Variants in TPH2 observed in about 807,000 individuals in gnomAD.
The protein encoded by TPH2 is tryptophan 5-hydroxylase 2.
TPH2 carries 27 observed loss-of-function variants against 59.1 expected under a neutral mutation model. The observed-to-expected ratio is 0.46, with a 90% confidence interval of 0.34 to 0.63. The LOEUF is 0.63. Among genes scored for constraint, TPH2 ranks in the 30% least tolerant of loss-of-function variants. The probability of loss-of-function intolerance (pLI) is 0.01; values close to 1 mark genes in which losing one functional copy is unlikely to be tolerated. For missense variants in TPH2, 523 were observed against 588.3 expected (o/e 0.89, Z 1.15); for synonymous variants, 220 against 210.5 (o/e 1.05, Z -0.39).
At chr12:72,026,988 A>C (rs985357717) in intron 9 of TPH2, among the ~76,000 whole-genome samples, 1 of 151,998 alleles carries the variant, frequency 6.6e-6, no homozygotes, top group African/African-American at 2.4e-5. Flanking sequence ...ATGTGAGTGT[A>C]AAGTGTTTGC....
At chr12:72,010,510 AAACTT>A (rs1159090777) in intron 8 of TPH2, among the ~76,000 whole-genome samples, 7 of 152,156 alleles carry the variant, frequency 4.6e-5, no homozygotes, top group Non-Finnish European at 8.8e-5. Flanking sequence ...TCATTAATAA[AAACTT>A]AAAATAGAAG....
At position 71,949,655 on chromosome 12, in the gene TPH2, A is replaced by G; in HGVS notation, c.608A>G (p.Tyr203Cys). The G allele has an allele frequency of 6.2e-7, 1 of 1,611,162 alleles. No homozygotes were observed. The highest frequency in any genetic ancestry group is 8.5e-7 in the Non-Finnish European group (1 of 1,177,460). The part of the protein sequence containing the change: ...YFVDVAMGYK[Y>C]GQPIPRVEYT... ...GTGGATGTGGCCATGGGTTATAAAT[A>G]GTAAGTACCTGTATAACTCTTTCTT... Residue 203 changes from tyrosine (Y) to cysteine (C), a missense_variant and splice_region_variant, in exon 5 of 11, where the codon TAT becomes TGT. By Grantham distance (194) the Tyr-to-Cys change is radical. Transcript: ENST00000333850.
Position 71,941,727 on chromosome 12 carries a change from C to T in TPH2, c.249C>T (p.Leu83=). 6.2e-7 allele frequency: 1 copy of T among 1,613,936 alleles called. No individual in the cohort carries two copies. Among genetic ancestry groups the T allele is most frequent in the Non-Finnish European group, 8.5e-7 (1 of 1,179,838 alleles). The change falls in exon 2 of 11, where the codon CTC becomes CTT. Residue 83 remains leucine, a synonymous_variant. Transcript: ENST00000333850. ...EVGGLVKALR[L]FQEKRVNMVH... is the part of the protein sequence containing the mutation. Reference sequence around the variant, plus strand: ...GTGGATTGGTAAAAGCACTGAGGCTCTTTCAGGTGAATGTGAAATATCATT... The same window carrying T: ...GTGGATTGGTAAAAGCACTGAGGCTTTTTCAGGTGAATGTGAAATATCATT...
chr12:71,956,806 C>T (rs1472959128), intron 5 of TPH2, among the ~76,000 whole-genome samples: 2 of 152,014 alleles, frequency 1.3e-5, no homozygotes, highest in African/African-American at 4.8e-5. Flanking sequence ...GATGGGGTTT[C>T]CCCGTGTTGC....
intron 5 of TPH2, among the ~76,000 whole-genome samples, chr12:71,966,244 C>G (rs2931545): frequency 1.3e-5 from 2 of 148,712 alleles, no homozygotes; most frequent in Admixed American, 6.7e-5. Flanking sequence ...AAGGCCCTGT[C>G]TAAATCTTTT....
At chr12:71,998,152 C>T (rs555621156) in intron 8 of TPH2, among the ~76,000 whole-genome samples, 7 of 152,188 alleles carry the variant, frequency 4.6e-5, no homozygotes, top group Non-Finnish European at 1.0e-4. Context: ...TGGGTGTTTG[C>T]CTCACCATGG....
Position 72,013,982 on chromosome 12 carries a change from T to C in TPH2, c.1069-8417T>C, listed in dbSNP as rs115120662. Among the ~76,000 whole-genome samples, 1,395 of 152,264 alleles carry C rather than the reference T, an allele frequency of 9.2e-3. 26 individuals are homozygous for C. Among genetic ancestry groups the C allele is most frequent in the African/African-American group, 0.032 (1,324 of 41,540 alleles). On this transcript the variant is annotated intron_variant, in intron 8 of 10. Transcript: ENST00000333850. ...GAAACCCAGTGAATGGTGGGTTTCG[T>C]TGAGAGGCTCGAAGAGAGTATATGG...
chr12:71,939,030 G>A lies in TPH2; in HGVS notation c.44G>A (p.Arg15Gln). The change falls in exon 1 of 11, where the codon CGG (arginine) becomes CAG (glutamine). Residue 15 changes from arginine (R) to glutamine (Q), a missense_variant. Coordinates refer to ENST00000333850, the MANE Select transcript of TPH2 (RefSeq NM_173353.4). ...MMMFSSKYWA[R>Q]RGFSLDSAVP... The stretch of plus-strand genomic sequence containing the variant: ...ATGTTTTCCAGTAAATACTGGGCAC[G>A]GAGAGGGTTTTCCCTGGATTCAGCA... The A allele has an allele frequency of 6.2e-7, 1 of 1,614,132 alleles. No individual in the cohort carries two copies. The highest frequency in any genetic ancestry group is 8.5e-7 in the Non-Finnish European group (1 of 1,180,042).
chr12:71,974,245 CCTT>C (rs1465436061), intron 6 of TPH2, among the ~76,000 whole-genome samples: 1 of 152,176 alleles, frequency 6.6e-6, no homozygotes, highest in African/African-American at 2.4e-5. Context: ...CATACTCAGT[CCTT>C]CTTTGTGTTA....
chr12:71,947,755 G>A (rs904990979), intron 4 of TPH2, among the ~76,000 whole-genome samples: 4 of 151,878 alleles, frequency 2.6e-5, no homozygotes, highest in Non-Finnish European at 4.4e-5. Context: ...GTTCTGGATC[G>A]CCCACAACAT....
At chr12:71,962,537 T>C in intron 5 of TPH2, 9 of 985,204 alleles carry the variant, frequency 9.1e-6, no homozygotes, top group Non-Finnish European at 1.1e-5. Flanking sequence ...AATTGGAGGC[T>C]ACCAGAAAGT....
chr12:71,978,814 T>C, intron 6 of TPH2, 138 bp from the exon 7 acceptor site: 2 of 1,049,658 alleles, frequency 1.9e-6, no homozygotes, highest in Non-Finnish European at 3.0e-6. Flanking sequence ...TAACAGTATA[T>C]GTCACTCAGT....
chr12:71,948,983 C>T (rs530656691), intron 4 of TPH2, among the ~76,000 whole-genome samples: 1 of 152,260 alleles, frequency 6.6e-6, no homozygotes, highest in South Asian at 2.1e-4. Flanking sequence ...CTAAGACTAA[C>T]TAGAATTATA....
At chr12:71,989,981 A>G (rs529225576) in intron 7 of TPH2, among the ~76,000 whole-genome samples, 2 of 150,778 alleles carry the variant, frequency 1.3e-5, no homozygotes, top group South Asian at 4.2e-4. Context: ...AAAAGGAGAC[A>G]TGATGTTTTA....
intron 1 of TPH2, among the ~76,000 whole-genome samples, chr12:71,940,014 CA>C (rs1871013261): frequency 6.6e-6 from 1 of 152,096 alleles, no homozygotes; most frequent in Non-Finnish European, 1.5e-5. Context: ...GAAAAGTAAA[CA>C]TGGCAACTTC....
intron 6 of TPH2, among the ~76,000 whole-genome samples, chr12:71,976,441 A>G (rs1283806714): frequency 6.6e-6 from 1 of 152,212 alleles, no homozygotes; most frequent in African/African-American, 2.4e-5. Context: ...AAACTTTTAA[A>G]GCAATGGTAT....
Position 71,944,421 on chromosome 12 carries a change from T to A in TPH2, c.383T>A (p.Phe128Tyr). ...EFNELIQLLK[F>Y]QTTIVTLNPP... The stretch of plus-strand genomic sequence containing the variant: ...AATGAGCTCATTCAGTTGCTGAAAT[T>A]TCAAACCACTATTGTGACGCTGAAT... Residue 128 changes from phenylalanine to tyrosine, a missense_variant, in exon 3 of 11, where the codon TTT becomes TAT. By Grantham distance (22) the Phe-to-Tyr change is conservative (BLOSUM62 3). Transcript: ENST00000333850. 6.2e-7 allele frequency: 1 copy of A among 1,614,008 alleles called. No homozygotes were observed. The highest frequency in any genetic ancestry group is 8.5e-7 in the Non-Finnish European group (1 of 1,179,882).
intron 5 of TPH2, among the ~76,000 whole-genome samples, chr12:71,950,327 C>T (rs60622957): frequency 0.024 from 3,637 of 151,960 alleles, 143 homozygotes; most frequent in African/African-American, 0.082. Flanking sequence ...GGGCTGAGTC[C>T]GAAAAGAGAG....
intron 9 of TPH2, among the ~76,000 whole-genome samples, chr12:72,026,100 T>C (rs1318003960): frequency 6.6e-6 from 1 of 152,152 alleles, no homozygotes; most frequent in Non-Finnish European, 1.5e-5. Flanking sequence ...CTGAGTCTTG[T>C]ATCAAAAAGT....
Sources: allele counts gnomAD v4.1 joint callset (sites outside exome capture counted in the v4.1 genomes callset), GRCh38; gene constraint gnomAD v4.1.1; transcripts MANE v1.5; gene names NCBI Gene and HGNC (gene_info 2026-07-23, HGNC 2026-07-21).